The following CMIP variants were observed in gnomAD, a reference collection of about 807,000 sequenced individuals.
The protein encoded by CMIP is c-Maf inducing protein.
In CMIP, 13 loss-of-function variants were observed where a neutral mutation model predicts 97.3. The ratio of observed to expected loss-of-function variants is 0.13; its 90% CI spans 0.09 to 0.21. The LOEUF is 0.21. Ranked by LOEUF, CMIP falls within the 10% of genes least tolerant of loss-of-function variation. The probability of loss-of-function intolerance (pLI) is 1.00; values close to 1 mark genes in which losing one functional copy is unlikely to be tolerated. For synonymous variants in CMIP, 538 were observed against 436.3 expected (o/e 1.23, Z -2.91); for missense variants, 847 against 1,024.9 (o/e 0.83, Z 2.37).
chr16:81,478,531 T>G (rs1258515427), intron 1 of CMIP, among the ~76,000 whole-genome samples: 1 of 152,122 alleles, frequency 6.6e-6, no homozygotes, highest in Non-Finnish European at 1.5e-5. Context: ...AGCACATTCA[T>G]GGAATTCCAT....
At chr16:81,708,885 C>T (rs886735104) in intron 20 of CMIP, among the ~76,000 whole-genome samples, 1 of 152,178 alleles carries the variant, frequency 6.6e-6, no homozygotes, top group African/African-American at 2.4e-5. Flanking sequence ...ATTGCATGTG[C>T]ATGTGTGTAT....
chr16:81,584,941 C>G (rs1371901906), intron 1 of CMIP, among the ~76,000 whole-genome samples: 1 of 152,214 alleles, frequency 6.6e-6, no homozygotes, highest in African/African-American at 2.4e-5. Context: ...TTGAAATGGC[C>G]ATTTTAATAT....
At chr16:81,577,969 T>C (rs1268617403) in intron 1 of CMIP, among the ~76,000 whole-genome samples, 33 of 119,246 alleles carry the variant, frequency 2.8e-4, no homozygotes, top group South Asian at 7.7e-4. Flanking sequence ...TACCACTACA[T>C]TATTATCACT....
At chr16:81,690,727 C>T (rs1000270667) in intron 10 of CMIP, among the ~76,000 whole-genome samples, 1 of 152,210 alleles carries the variant, frequency 6.6e-6, no homozygotes, top group African/African-American at 2.4e-5. Context: ...GAGTTCAAGA[C>T]CAGCATGGCC....
At chr16:81,597,191 A>C (rs1455988578) in intron 1 of CMIP, among the ~76,000 whole-genome samples, 1 of 152,162 alleles carries the variant, frequency 6.6e-6, no homozygotes, top group East Asian at 1.9e-4. Flanking sequence ...ACTCATGTTC[A>C]GCTTCAGCAG....
intron 2 of CMIP, chr16:81,617,229 C>T (rs563476869): frequency 4.6e-5 from 7 of 152,244 alleles, no homozygotes; most frequent in Admixed American, 1.3e-4. Flanking sequence ...TGCCGGCAGC[C>T]GAAATGGGAT....
chr16:81,587,235 C>T (rs756649269), intron 1 of CMIP, among the ~76,000 whole-genome samples: 2 of 152,244 alleles, frequency 1.3e-5, no homozygotes, highest in African/African-American at 2.4e-5. Flanking sequence ...CTGGAGCCAG[C>T]TTTACAGCTG....
intron 5 of CMIP, 140 bp from the exon 6 acceptor site, chr16:81,660,744 C>A: frequency 1.1e-6 from 1 of 893,806 alleles, no homozygotes; most frequent in Non-Finnish European, 1.8e-6. Context: ...TTTTTTTCTG[C>A]TTTTAATATG....
At chr16:81,525,914 G>C (rs1281737754) in intron 1 of CMIP, among the ~76,000 whole-genome samples, 1 of 152,016 alleles carries the variant, frequency 6.6e-6, no homozygotes, top group Admixed American at 6.5e-5. Context: ...ATGCTCTCAA[G>C]GTTCACCCAT....
chr16:81,595,297 A>G (rs933183219), intron 1 of CMIP, among the ~76,000 whole-genome samples: 3 of 151,506 alleles, frequency 2.0e-5, no homozygotes, highest in Non-Finnish European at 2.9e-5. Context: ...GGATTTGCCT[A>G]TTCTGGACAT....
chr16:81,454,779 C>G (rs1443734852), intron 1 of CMIP, among the ~76,000 whole-genome samples: 2 of 152,126 alleles, frequency 1.3e-5, no homozygotes, highest in African/African-American at 4.8e-5. Flanking sequence ...TATGTCTTGT[C>G]CTGTGTTTGG....
chr16:81,625,540 A>G (rs2092049607), intron 3 of CMIP, among the ~76,000 whole-genome samples: 1 of 152,230 alleles, frequency 6.6e-6, no homozygotes, highest in Admixed American at 6.5e-5. Context: ...CTGTGGGGCA[A>G]GGCCAAGAGC....
At chr16:81,568,607 A>G (rs12930850) in intron 1 of CMIP, among the ~76,000 whole-genome samples, 58,635 of 152,106 alleles carry the variant, frequency 0.39, 14,234 homozygotes, top group Non-Finnish European at 0.53. Context: ...GGGGGAGGAG[A>G]GTGGAAACTT....
At chr16:81,613,446 C>G (rs774110621) in intron 2 of CMIP, among the ~76,000 whole-genome samples, 22 of 152,218 alleles carry the variant, frequency 1.4e-4, no homozygotes, top group Non-Finnish European at 2.4e-4. Context: ...TAGACTCTAA[C>G]TAGCCATGGA....
At chr16:81,575,437 G>T (rs2091171956) in intron 1 of CMIP, among the ~76,000 whole-genome samples, 1 of 152,158 alleles carries the variant, frequency 6.6e-6, no homozygotes, top group Admixed American at 6.5e-5. Context: ...GTGACACATG[G>T]CTACAGGGAG....
At chr16:81,663,097 CAAAAA>C (rs5818346) in intron 6 of CMIP, among the ~76,000 whole-genome samples, 2 of 144,724 alleles carry the variant, frequency 1.4e-5, no homozygotes, top group African/African-American at 5.1e-5. Flanking sequence ...TTTTTAACTC[CAAAAA>C]AAAAAAAAAA....
chr16:81,687,921 T>C (rs1905593362), intron 10 of CMIP, among the ~76,000 whole-genome samples: 1 of 152,244 alleles, frequency 6.6e-6, no homozygotes, highest in Non-Finnish European at 1.5e-5. Flanking sequence ...TGAATTGCCA[T>C]ACTGCTCCTT....
rs539378370 is a variant in CMIP, at chr16:81,634,846, G to A, written c.477+13920G>A. On this transcript the variant is annotated intron_variant, in intron 3 of 20. Transcript: ENST00000537098. ...AAACAAAGCCATGAACAGATCAGAT[G>A]TCCTTTGAAGTGCTGCAAGCACTAG... Among the ~76,000 whole-genome samples, 85 of 152,290 alleles carry A rather than the reference G, an allele frequency of 5.6e-4. No individual in the cohort carries two copies. In the South Asian group the frequency reaches 6.2e-3, roughly 11 times the overall value.
At chr16:81,667,799 A>AGAGAGAGAGAGAGTGTGTGTGT in intron 7 of CMIP, among the ~76,000 whole-genome samples, 91 of 58,104 alleles carry the variant, frequency 1.6e-3, no homozygotes, top group Non-Finnish European at 2.5e-3. Flanking sequence ...AGAGAGAGAG[A>AGAGAGAGAGAGAGTGTGTGTGT]GTGTGTGTGT....
Sources: allele counts gnomAD v4.1 joint callset (sites outside exome capture counted in the v4.1 genomes callset), GRCh38; gene constraint gnomAD v4.1.1; transcripts MANE v1.5; gene names NCBI Gene and HGNC (gene_info 2026-07-23, HGNC 2026-07-21).